PPP6R1: variants seen among roughly 807,000 people sequenced by gnomAD.
PPP6R1 encodes the protein protein phosphatase 6 regulatory subunit 1.
Under a neutral mutation model 104.6 loss-of-function variants are expected in PPP6R1, and 39 were observed. That is an observed-to-expected ratio of 0.37 (90% CI 0.29 to 0.49). The LOEUF (loss-of-function observed/expected upper bound fraction) is 0.49, where lower values mean the gene tolerates loss of function less well. PPP6R1 is among the 20% of genes least tolerant of loss of function. The pLI is 0.98. For missense variants in PPP6R1, 1,181 were observed against 1,155.8 expected (o/e 1.02, Z -0.32); for synonymous variants, 549 against 479.0 (o/e 1.15, Z -1.91).
chr19:55,234,212 G>A (rs892180363), intron 17 of PPP6R1, among the ~76,000 whole-genome samples: 20 of 152,254 alleles, frequency 1.3e-4, no homozygotes, highest in Admixed American at 1.2e-3. Context: ...CTCCCAAAGT[G>A]CTGGGATTAC....
rs771739293 is a variant in PPP6R1 at position 55,247,036 on chromosome 19, C to T, written c.68G>A (p.Ser23Asn). The stretch of plus-strand genomic sequence containing the variant: ...TTCCTCGTCCAGCAGCTCGGGCAGG[C>T]TCAGGTCCTCCCGCTCCAGCAGCGT... Reference protein sequence around the residue: ...LDTLLEREDLSLPELLDEEDV... With the variant: ...LDTLLEREDLNLPELLDEEDV... The change falls in exon 2 of 24, where the codon AGC becomes AAC. Residue 23 changes from serine (S) to asparagine (N), a missense_variant. By Grantham distance (46) the Ser-to-Asn change is conservative. Transcript: ENST00000412770. 1 of 1,613,872 alleles carries T rather than the reference C, an allele frequency of 6.2e-7. No homozygotes were observed. The highest frequency in any genetic ancestry group is 8.5e-7 in the Non-Finnish European group (1 of 1,179,882).
chr19:55,244,290 T>C (rs971689651), intron 5 of PPP6R1, among the ~76,000 whole-genome samples: 2 of 152,180 alleles, frequency 1.3e-5, no homozygotes, highest in African/African-American at 4.8e-5. Context: ...GCCTCGGATA[T>C]CTGAGGCTCT....
Position 55,242,258 on chromosome 19 carries a change from G to A in PPP6R1, c.753C>T (p.Leu251=), listed in dbSNP as rs200355904. ...GCTCCCCCTCGAACATGTTGCTTAA[G>A]AGCTGCTCAATCGTCTCCTGCCTGC... ...TLEKQETIEQ[L]LSNMFEGEQS... The change falls in exon 7 of 24, where the codon CTC becomes CTT. Residue 251 remains leucine (L), a synonymous_variant. Coordinates refer to ENST00000412770, the MANE Select transcript of PPP6R1 (RefSeq NM_014931.4). The A allele has an allele frequency of 6.2e-7, 1 of 1,613,976 alleles. No individual in the cohort carries two copies. Among genetic ancestry groups the A allele is most frequent in the African/African-American group, 1.3e-5 (1 of 75,052 alleles).
At chr19:55,257,934 G>A (rs1005549667) in intron 1 of PPP6R1, among the ~76,000 whole-genome samples, 7 of 152,256 alleles carry the variant, frequency 4.6e-5, no homozygotes, top group African/African-American at 7.2e-5. Flanking sequence ...GAAGCCGGAG[G>A]CGGGAGAGGG....
At chr19:55,240,424 G>A in intron 10 of PPP6R1, 124 bp from the exon 11 acceptor site, 4 of 964,630 alleles carry the variant, frequency 4.1e-6, no homozygotes, top group Non-Finnish European at 6.3e-6. Context: ...TCCAGAGACG[G>A]GGATGGGAAG....
chr19:55,245,023 C>G lies in PPP6R1; in HGVS notation c.618+97G>C. On this transcript the variant is annotated intron_variant, in intron 5 of 23. Coordinates refer to ENST00000412770, the MANE Select transcript of PPP6R1 (RefSeq NM_014931.4). This position sits in a 1 kb window ranked among gnomAD's most constrained non-coding sequence, Gnocchi z 6.4. The stretch of plus-strand genomic sequence containing the variant: ...AAAGTGCTGGAATTACAGGCGTGAG[C>G]CACTGCGTCCAGCCCCAATTCCTCT... 3 of 1,514,520 alleles carry G rather than the reference C, an allele frequency of 2.0e-6. No individual in the cohort carries two copies. Among genetic ancestry groups the G allele is most frequent in the South Asian group, 1.2e-5 (1 of 83,318 alleles). The allele number at this position is 1,514,520 out of a possible 1,614,324, so 93.8% of individuals were successfully genotyped here.
Position 55,258,490 on chromosome 19 carries a change from C to G in PPP6R1, c.-62G>C, listed in dbSNP as rs887110505. 2.7e-5 allele frequency: 4 copies of G among 149,532 alleles called. No individual in the cohort carries two copies. The highest frequency in any genetic ancestry group is 7.3e-5 in the African/African-American group (3 of 41,090). The allele number at this position is 149,532 out of a possible 1,614,324, so 9.3% of individuals were successfully genotyped here. On this transcript the variant is annotated 5_prime_UTR_variant, in exon 1 of 24. Transcript: ENST00000412770. Reference sequence around the variant, plus strand: ...CGGGGCTCATCGGGGCGCCCCCCCCCGCCCCGCCGCCGGCGGCTCCGGCCC... The same window carrying G: ...CGGGGCTCATCGGGGCGCCCCCCCCGGCCCCGCCGCCGGCGGCTCCGGCCC...
chr19:55,228,489 T>C (rs2087307020), downstream of PPP6R1: 2 of 1,599,488 alleles, frequency 1.3e-6, no homozygotes, highest in East Asian at 2.2e-5. Context: ...CCCCCATTCT[T>C]GGGACTCAGA....
chr19:55,234,642 G>A (rs532112385), intron 17 of PPP6R1, among the ~76,000 whole-genome samples: 2 of 127,074 alleles, frequency 1.6e-5, no homozygotes, highest in Non-Finnish European at 3.0e-5. Context: ...TATTCACAGC[G>A]GCCGCACTCA....
chr19:55,244,121 G>A (rs1196280580), intron 5 of PPP6R1, among the ~76,000 whole-genome samples: 1 of 152,216 alleles, frequency 6.6e-6, no homozygotes, highest in Non-Finnish European at 1.5e-5. Context: ...CTACCCAACG[G>A]GCAGCTGCCA....
chr19:55,228,283 G>A (rs1439315236), downstream of PPP6R1: 31 of 1,613,246 alleles, frequency 1.9e-5, no homozygotes, highest in Non-Finnish European at 2.5e-5. Context: ...GCCCCCGCTT[G>A]GGGACATGAC....
rs1276025751 is a variant in PPP6R1 at position 55,239,688 on chromosome 19, GGA to G, written c.1564-7_1564-6del. 2.5e-6 allele frequency: 4 copies of G among 1,608,626 alleles called. No individual in the cohort carries two copies. The highest frequency in any genetic ancestry group is 4.5e-5 in the East Asian group (2 of 44,764). ...GTGTAGGTGGTGGGTGTTCACCTGG[GGA>G]GAGGAGGGGGCGTCAGGGCCTGCTG... On this transcript the variant is annotated splice_polypyrimidine_tract_variant and splice_region_variant and intron_variant, in intron 13 of 23. Coordinates refer to ENST00000412770, the MANE Select transcript of PPP6R1 (RefSeq NM_014931.4).
In PPP6R1 at chr19:55,236,716, C is replaced by G; in HGVS notation, c.1915G>C (p.Asp639His). 6.2e-7 allele frequency: 1 copy of G among 1,613,316 alleles called. No homozygotes were observed. The highest frequency in any genetic ancestry group is 1.1e-5 in the South Asian group (1 of 90,982). ...CCCTGCCAGGCGCCATCTTCTCCAT[C>G]AGACTCCCCTGAGCCCTGGGCCTCT... ...EEEAQGSGES[D>H]GEDGAWQGSQ... The change falls in exon 17 of 24, where the codon GAT becomes CAT. Residue 639 changes from aspartate to histidine, a missense_variant. By Grantham distance (81) the Asp-to-His change is moderately conservative. This residue lies in a region of PPP6R1 where 1,042 missense variants were observed against 955.6 expected (regional missense o/e 1.09). Coordinates refer to ENST00000412770, the MANE Select transcript of PPP6R1 (RefSeq NM_014931.4).
chr19:55,236,844 G>A (rs778781048), intron 16 of PPP6R1, 23 bp from the exon 17 acceptor site: 15 of 1,613,648 alleles, frequency 9.3e-6, no homozygotes, highest in Middle Eastern at 1.6e-4. Context: ...GGGGTGGGAG[G>A]ATGGGCCACA....
At chr19:55,237,268 C>G (rs2087408528) in intron 15 of PPP6R1, among the ~76,000 whole-genome samples, 1 of 152,122 alleles carries the variant, frequency 6.6e-6, no homozygotes, top group African/African-American at 2.4e-5. Context: ...TCTCCTCAGG[C>G]TCTTCCAAGG....
chr19:55,244,040 G>A (rs1312713201), intron 5 of PPP6R1, among the ~76,000 whole-genome samples: 1 of 152,196 alleles, frequency 6.6e-6, no homozygotes, highest in Non-Finnish European at 1.5e-5. Context: ...TGAGTGGTAT[G>A]CTGTGCAATT....
rs1555885655 is a variant in PPP6R1 at position 55,245,706 on chromosome 19, G to A, written c.228-28C>T. ...GGGAGGCAAGCACAGGCGGGTGGGG[G>A]CTCGGGTCGGAGGCCGGGGGCAGGG... is the stretch of plus-strand genomic sequence containing the variant. On this transcript the variant is annotated intron_variant, in intron 2 of 23. Transcript: ENST00000412770. This position sits in a 1 kb window ranked among gnomAD's most constrained non-coding sequence, Gnocchi z 6.4. 1.9e-6 allele frequency: 3 copies of A among 1,580,580 alleles called. No individual in the cohort carries two copies. Among genetic ancestry groups the A allele is most frequent in the East Asian group, 2.3e-5 (1 of 44,362 alleles).
At chr19:55,247,624 A>G (rs992994060) in intron 1 of PPP6R1, among the ~76,000 whole-genome samples, 1 of 152,216 alleles carries the variant, frequency 6.6e-6, no homozygotes, top group East Asian at 1.9e-4. Flanking sequence ...ACAAACTCAG[A>G]TGCCCGATGA....
chr19:55,228,858 T>C (rs916528396), downstream of PPP6R1: 5 of 1,043,888 alleles, frequency 4.8e-6, no homozygotes, highest in East Asian at 1.1e-4. Flanking sequence ...CTGTGACTGA[T>C]AACAGGGCCC....
Sources: gnomAD v4.1 joint callset for allele counts (sites outside exome capture counted in the v4.1 genomes callset) on GRCh38, gnomAD v4.1.1 for gene constraint, gnomAD v4.1.1 regional missense constraint, Gnocchi (gnomAD v3.1) non-coding constraint, MANE v1.5 for transcripts, NCBI Gene and HGNC (gene_info 2026-07-23, HGNC 2026-07-21) for gene names.